The following LIMCH1 variants were observed in gnomAD, a reference collection of about 807,000 sequenced individuals.
LIMCH1 encodes the protein LIM and calponin homology domains-containing protein 1.
LIMCH1 carries 113 observed loss-of-function variants against 176.5 expected under a neutral mutation model. That is an observed-to-expected ratio of 0.64 (90% CI 0.55 to 0.75). The LOEUF (loss-of-function observed/expected upper bound fraction) is 0.75. Ranked by LOEUF, LIMCH1 falls within the 30% of genes least tolerant of loss-of-function variation. LIMCH1 has a pLI of 0.00. For missense variants in LIMCH1, 1,674 were observed against 1,814.9 expected (o/e 0.92, Z 1.41); for synonymous variants, 619 against 645.9 (o/e 0.96, Z 0.63).
intron 8 of LIMCH1, among the ~76,000 whole-genome samples, chr4:41,628,899 CCTGACTAA>C (rs1303418977): frequency 6.6e-6 from 1 of 152,174 alleles, no homozygotes; most frequent in Non-Finnish European, 1.5e-5. Context: ...ATTAGCCAAA[CCTGACTAA>C]TGCCATGAAG....
intron 3 of LIMCH1, among the ~76,000 whole-genome samples, chr4:41,532,254 A>T (rs1430595975): frequency 6.6e-6 from 1 of 152,168 alleles, no homozygotes; most frequent in Non-Finnish European, 1.5e-5. Context: ...TTCTAAGTTT[A>T]TTTACTGCCT....
chr4:41,652,795 A>G (rs757332964), intron 18 of LIMCH1, among the ~76,000 whole-genome samples: 1 of 152,182 alleles, frequency 6.6e-6, no homozygotes, highest in Non-Finnish European at 1.5e-5. Context: ...TGCTATTTCA[A>G]AAGTTTATAC....
chr4:41,460,389 A>G (rs1421346733), intron 1 of LIMCH1, among the ~76,000 whole-genome samples: 1 of 147,516 alleles, frequency 6.8e-6, no homozygotes, highest in Non-Finnish European at 1.5e-5. Flanking sequence ...CTTCACCTAT[A>G]TTACACGTTG....
chr4:41,695,400 A>G (rs1471030057), intron 31 of LIMCH1, among the ~76,000 whole-genome samples: 1 of 151,404 alleles, frequency 6.6e-6, no homozygotes, highest in Non-Finnish European at 1.5e-5. Flanking sequence ...TGAGGTAGCT[A>G]TCTGGCCTGA....
chr4:41,634,710 G>T (rs1423404751), intron 13 of LIMCH1, among the ~76,000 whole-genome samples: 2 of 152,210 alleles, frequency 1.3e-5, no homozygotes, highest in Non-Finnish European at 2.9e-5. Context: ...TTTCCTGTGT[G>T]TCTGCTCCCT....
intron 1 of LIMCH1, among the ~76,000 whole-genome samples, chr4:41,464,837 G>A (rs768676047): frequency 3.9e-5 from 6 of 152,174 alleles, no homozygotes; most frequent in East Asian, 1.9e-4. Context: ...TGCGCTTCTT[G>A]TGTGGAGCAC....
intron 1 of LIMCH1, among the ~76,000 whole-genome samples, chr4:41,589,322 C>A (rs2087057775): frequency 6.6e-6 from 1 of 152,078 alleles, no homozygotes; most frequent in African/African-American, 2.4e-5. Context: ...GGCAGGAGCT[C>A]ACCTGGCATG....
Position 41,638,100 on chromosome 4 carries a change from GTT to G in LIMCH1, c.2091-829_2091-828del, listed in dbSNP as rs1166465655. Among the ~76,000 whole-genome samples the G allele has an allele frequency of 1.2e-4, 14 of 113,228 alleles. No individual in the cohort carries two copies. In the South Asian group the frequency reaches 1.4e-3, roughly 11 times the overall value. The allele number at this position is 113,228 out of a possible 152,430, so 74.3% of individuals were successfully genotyped here. Reference sequence around the variant, plus strand: ...GACAGGCATTTGTGGGAGCTGTGTTGTTTTGTTGTTGTTGTTGTTGTTGTTGT... The same window carrying G: ...GACAGGCATTTGTGGGAGCTGTGTTGTTGTTGTTGTTGTTGTTGTTGTTGT... On this transcript the variant is annotated intron_variant, in intron 13 of 31. Transcript: ENST00000503057.
At chr4:41,500,449 C>T (rs745870223) in intron 2 of LIMCH1, among the ~76,000 whole-genome samples, 1 of 152,158 alleles carries the variant, frequency 6.6e-6, no homozygotes, top group African/African-American at 2.4e-5. Context: ...AAAAAATTCT[C>T]TATAGATAAC....
intron 4 of LIMCH1, among the ~76,000 whole-genome samples, chr4:41,607,218 C>CT (rs1349796602): frequency 1.9e-4 from 29 of 152,184 alleles, no homozygotes; most frequent in African/African-American, 6.8e-4. Flanking sequence ...TGCAATTTTT[C>CT]TTTTAATACT....
chr4:41,498,195 A>G (rs1483760913), intron 2 of LIMCH1, among the ~76,000 whole-genome samples: 1 of 152,150 alleles, frequency 6.6e-6, no homozygotes, highest in Non-Finnish European at 1.5e-5. Flanking sequence ...TCAAGACCAG[A>G]TGGAGACAAA....
At chr4:41,604,921 T>G (rs1303762738) in intron 3 of LIMCH1, among the ~76,000 whole-genome samples, 2 of 152,046 alleles carry the variant, frequency 1.3e-5, no homozygotes, top group Non-Finnish European at 2.9e-5. Context: ...AACTATACCA[T>G]GTTGTCCGAA....
At chr4:41,671,668 G>A in intron 22 of LIMCH1, 74 bp downstream of exon 22, 2 of 1,189,760 alleles carry the variant, frequency 1.7e-6, no homozygotes, top group Non-Finnish European at 2.5e-6. Flanking sequence ...TTGGCTCAAA[G>A]AGTATTCAGG....
chr4:41,382,339 C>T (rs1561190814), intron 1 of LIMCH1, among the ~76,000 whole-genome samples: 1 of 143,562 alleles, frequency 7.0e-6, no homozygotes, highest in African/African-American at 2.6e-5. Context: ...AGGCTGTATC[C>T]GTGGAGAATT....
intron 1 of LIMCH1, among the ~76,000 whole-genome samples, chr4:41,450,167 A>G (rs2063714387): frequency 6.6e-6 from 1 of 152,218 alleles, no homozygotes; most frequent in African/African-American, 2.4e-5. Context: ...TTGACACACA[A>G]TTAAAGTTAT....
At chr4:41,636,816 A>G (rs1408519434) in intron 13 of LIMCH1, among the ~76,000 whole-genome samples, 1 of 152,248 alleles carries the variant, frequency 6.6e-6, no homozygotes, top group East Asian at 1.9e-4. Context: ...AATGTGCTAA[A>G]GAAGACAAAC....
chr4:41,425,203 GT>G (rs2060963075), intron 1 of LIMCH1, among the ~76,000 whole-genome samples: 3 of 152,198 alleles, frequency 2.0e-5, no homozygotes, highest in Admixed American at 6.5e-5. Context: ...TAATTTGCTT[GT>G]TTTAATACAG....
chr4:41,573,876 T>C (rs758039121), intron 1 of LIMCH1, among the ~76,000 whole-genome samples: 6 of 152,158 alleles, frequency 3.9e-5, no homozygotes, highest in Non-Finnish European at 7.3e-5. Context: ...AGATACTGGA[T>C]TATAAAAGCC....
intron 1 of LIMCH1, among the ~76,000 whole-genome samples, chr4:41,471,375 G>A (rs1478528415): frequency 6.6e-6 from 1 of 152,152 alleles, no homozygotes; most frequent in Non-Finnish European, 1.5e-5. Flanking sequence ...GGAAAGAGCT[G>A]GGTGGAACAA....
Sources: allele counts gnomAD v4.1 joint callset (sites outside exome capture counted in the v4.1 genomes callset), GRCh38; gene constraint gnomAD v4.1.1; transcripts MANE v1.5; gene names NCBI Gene and HGNC (gene_info 2026-07-23, HGNC 2026-07-21).